The following TBC1D12 variants were observed in gnomAD, a reference collection of about 807,000 sequenced individuals.
TBC1D12 encodes the protein TBC1 domain family, member 12.
A neutral mutation model predicts 86.7 loss-of-function variants in TBC1D12; 56 were observed. That is an observed-to-expected ratio of 0.65 (90% CI 0.52 to 0.81). The LOEUF is 0.81. TBC1D12 is among the 30% of genes least tolerant of loss of function. The pLI is 0.00. For synonymous variants in TBC1D12, 421 were observed against 411.7 expected (o/e 1.02, Z -0.27); for missense variants, 1,023 against 1,038.8 (o/e 0.98, Z 0.21).
At chr10:94,431,379 C>T (rs1589610911) in intron 1 of TBC1D12, among the ~76,000 whole-genome samples, 1 of 150,100 alleles carries the variant, frequency 6.7e-6, no homozygotes, top group Non-Finnish European at 1.5e-5. Flanking sequence ...TGCACCATTG[C>T]ACTCCAGCCT....
intron 11 of TBC1D12, among the ~76,000 whole-genome samples, chr10:94,525,669 A>AG (rs1351132805): frequency 6.6e-6 from 1 of 151,860 alleles, no homozygotes; most frequent in Non-Finnish European, 1.5e-5. Context: ...CAAAAAAAAA[A>AG]AAAAAAAAAG....
chr10:94,528,667 C>CA (rs1473189617), intron 11 of TBC1D12, among the ~76,000 whole-genome samples: 2 of 151,840 alleles, frequency 1.3e-5, no homozygotes, highest in Non-Finnish European at 2.9e-5. Flanking sequence ...ACTAAAAATA[C>CA]AAAAATTAGC....
At chr10:94,465,702 A>G (rs1311883807) in intron 2 of TBC1D12, among the ~76,000 whole-genome samples, 1 of 111,956 alleles carries the variant, frequency 8.9e-6, no homozygotes, top group South Asian at 3.8e-4. Flanking sequence ...GTGTGTACAT[A>G]TATACGTATA....
intron 11 of TBC1D12, among the ~76,000 whole-genome samples, chr10:94,523,800 AAAAAAT>A (rs1279537340): frequency 2.6e-5 from 4 of 152,034 alleles, no homozygotes; most frequent in African/African-American, 9.7e-5. Context: ...CCATTTCTAC[AAAAAAT>A]AAAAATAAAA....
intron 7 of TBC1D12, chr10:94,509,111 T>C (rs961428033): frequency 6.7e-6 from 1 of 149,184 alleles, no homozygotes. Context: ...AAAAGTGTTT[T>C]TTTTTTTTTT....
intron 3 of TBC1D12, among the ~76,000 whole-genome samples, chr10:94,484,011 T>G (rs2056121692): frequency 6.6e-6 from 1 of 152,132 alleles, no homozygotes; most frequent in Non-Finnish European, 1.5e-5. Context: ...AATCCAAATT[T>G]CCCAGTATCA....
At chr10:94,411,530 C>T (rs527322697) in intron 1 of TBC1D12, among the ~76,000 whole-genome samples, 1 of 152,118 alleles carries the variant, frequency 6.6e-6, no homozygotes, top group South Asian at 2.1e-4. Flanking sequence ...CCAGCCTGGG[C>T]AGCATAGCAA....
At chr10:94,434,011 G>A (rs1168025529) in intron 1 of TBC1D12, among the ~76,000 whole-genome samples, 1 of 151,928 alleles carries the variant, frequency 6.6e-6, no homozygotes, top group African/African-American at 2.4e-5. Flanking sequence ...TTGTTAGTAT[G>A]GTTTCTGACC....
chr10:94,402,716 G>T lies in TBC1D12; in HGVS notation c.103G>T (p.Ala35Ser), dbSNP rs747424772. 12 of 1,577,924 alleles carry T rather than the reference G, an allele frequency of 7.6e-6. No individual in the cohort carries two copies. The highest frequency in any genetic ancestry group is 1.0e-5 in the Non-Finnish European group (12 of 1,161,792). ...PVGQDRKVIR[A>S]TGGFGGGVGA... ...GGGCCAGGACAGGAAGGTAATCCGGGCCACGGGCGGCTTTGGCGGAGGCGT... is the reference window on the plus strand; with the variant it reads ...GGGCCAGGACAGGAAGGTAATCCGGTCCACGGGCGGCTTTGGCGGAGGCGT... Residue 35 changes from alanine (A) to serine (S), a missense_variant, in exon 1 of 13, where the codon GCC (alanine) becomes TCC (serine). By Grantham distance (99) the Ala-to-Ser change is moderately conservative (BLOSUM62 1). This residue lies in a region of TBC1D12 where 628 missense variants were observed against 531.1 expected (regional missense o/e 1.18). Transcript: ENST00000225235.
At chr10:94,502,596 G>C (rs1427490293) in intron 6 of TBC1D12, among the ~76,000 whole-genome samples, 1 of 151,998 alleles carries the variant, frequency 6.6e-6, no homozygotes, top group Non-Finnish European at 1.5e-5. Context: ...CCACTCGAGA[G>C]GGTGAGGTGG....
At chr10:94,532,037 C>T (rs1050097197) in intron 12 of TBC1D12, among the ~76,000 whole-genome samples, 4 of 151,626 alleles carry the variant, frequency 2.6e-5, no homozygotes, top group African/African-American at 7.3e-5. Context: ...CCCGCCACCA[C>T]GCCCGGCTAA....
At chr10:94,405,782 A>C (rs938811494) in intron 1 of TBC1D12, among the ~76,000 whole-genome samples, 2 of 151,814 alleles carry the variant, frequency 1.3e-5, no homozygotes, top group African/African-American at 4.8e-5. Flanking sequence ...TTGAAGACAG[A>C]TGCATATATA....
At chr10:94,414,178 G>A (rs2054965922) in intron 1 of TBC1D12, among the ~76,000 whole-genome samples, 1 of 151,914 alleles carries the variant, frequency 6.6e-6, no homozygotes, top group African/African-American at 2.4e-5. Flanking sequence ...TGTTAAGGTG[G>A]TAAGAAGATG....
At chr10:94,449,482 C>T (rs2055518145) in intron 2 of TBC1D12, among the ~76,000 whole-genome samples, 1 of 152,114 alleles carries the variant, frequency 6.6e-6, no homozygotes, top group Non-Finnish European at 1.5e-5. Context: ...CAGCTAAACC[C>T]TGTCTATCCC....
At chr10:94,480,734 A>G (rs2134156020) in intron 3 of TBC1D12, among the ~76,000 whole-genome samples, 1 of 151,146 alleles carries the variant, frequency 6.6e-6, no homozygotes. Flanking sequence ...AAAATTAGCC[A>G]GGTGTGGTGG....
chr10:94,447,057 CAA>C (rs35395527), intron 2 of TBC1D12, among the ~76,000 whole-genome samples: 146 of 100,418 alleles, frequency 1.5e-3, no homozygotes, highest in African/African-American at 4.6e-3. Context: ...TGAGCTGTTT[CAA>C]AAAAAAAAAA....
At chr10:94,514,827 T>G (rs984660401) in intron 9 of TBC1D12, among the ~76,000 whole-genome samples, 8 of 152,144 alleles carry the variant, frequency 5.3e-5, no homozygotes, top group East Asian at 1.9e-4. Flanking sequence ...TTTTAGTTTT[T>G]TTTGAAGAAC....
chr10:94,515,932 A>G (rs1230910976), intron 9 of TBC1D12, among the ~76,000 whole-genome samples: 2 of 152,188 alleles, frequency 1.3e-5, no homozygotes, highest in Non-Finnish European at 2.9e-5. Flanking sequence ...TACACTGGAT[A>G]GAGGGATGAT....
intron 1 of TBC1D12, among the ~76,000 whole-genome samples, chr10:94,419,638 T>G (rs1274069117): frequency 6.6e-6 from 1 of 151,976 alleles, no homozygotes; most frequent in Non-Finnish European, 1.5e-5. Flanking sequence ...CACTGCACTC[T>G]AGCCTGGGCG....
Sources: gnomAD v4.1 joint callset for allele counts (sites outside exome capture counted in the v4.1 genomes callset) on GRCh38, gnomAD v4.1.1 for gene constraint, gnomAD v4.1.1 regional missense constraint, MANE v1.5 for transcripts, NCBI Gene and HGNC (gene_info 2026-07-23, HGNC 2026-07-21) for gene names.